ITSN2: variants seen among roughly 807,000 people sequenced by gnomAD.
ITSN2 encodes intersectin 2.
Under a neutral mutation model 243.7 loss-of-function variants are expected in ITSN2, and 156 were observed. The ratio of observed to expected loss-of-function variants is 0.64; its 90% CI spans 0.56 to 0.73. The LOEUF (loss-of-function observed/expected upper bound fraction) is 0.73, where lower values mean the gene tolerates loss of function less well. ITSN2 is among the 30% of genes least tolerant of loss of function. The pLI, the probability that ITSN2 is intolerant of heterozygous loss-of-function variation, is 0.00. For synonymous variants in ITSN2, 703 were observed against 699.9 expected (o/e 1.00, Z -0.07); for missense variants, 1,801 against 1,996.1 (o/e 0.90, Z 1.86).
At chr2:24,293,886 T>C (rs1680606238) in intron 14 of ITSN2, 111 bp from the exon 15 acceptor site, 1 of 433,224 alleles carries the variant, frequency 2.3e-6, no homozygotes, top group Admixed American at 4.4e-5. Context: ...ATTTTAGAAA[T>C]AATACATAGT....
At chr2:24,279,123 G>A (rs1249487547) in intron 17 of ITSN2, among the ~76,000 whole-genome samples, 1 of 152,074 alleles carries the variant, frequency 6.6e-6, no homozygotes, top group Non-Finnish European at 1.5e-5. Flanking sequence ...CCTTTAGTCT[G>A]TTTATATAGT....
At position 24,204,177 on chromosome 2, in the gene ITSN2, C is replaced by G. The variant is rs1668601151; in HGVS notation, c.4936+68G>C. The G allele has an allele frequency of 6.6e-7, 1 of 1,514,480 alleles. No homozygotes were observed. The highest frequency in any genetic ancestry group is 9.1e-7 in the Non-Finnish European group (1 of 1,094,350). The allele number at this position is 1,514,480 out of a possible 1,614,324, so 93.8% of individuals were successfully genotyped here. A position where few individuals can be genotyped will look rare whatever the true frequency, so the allele number is the denominator to read the frequency against. On this transcript the variant is annotated intron_variant, in intron 39 of 39. Transcript: ENST00000355123. The surrounding 1 kb of genome is among the most constrained non-coding windows in gnomAD (Gnocchi z 5.1). ...TGGGGTCTGCACACAGCTGAAGCCC[C>G]TAGATCTGGACTCCAGGATCTAGGA...
At chr2:24,306,809 CTTT>C (rs757854376) in intron 8 of ITSN2, among the ~76,000 whole-genome samples, 2 of 144,122 alleles carry the variant, frequency 1.4e-5, no homozygotes. Flanking sequence ...CAAAGATAAA[CTTT>C]TTTTTTTTTT....
intron 2 of ITSN2, among the ~76,000 whole-genome samples, chr2:24,326,839 A>G (rs1031322166): frequency 6.6e-6 from 1 of 152,186 alleles, no homozygotes; most frequent in African/African-American, 2.4e-5. Flanking sequence ...TTAGATATAC[A>G]ACATGTATTT....
intron 32 of ITSN2, among the ~76,000 whole-genome samples, chr2:24,215,776 T>C (rs556208075): frequency 6.6e-6 from 1 of 152,302 alleles, no homozygotes; most frequent in East Asian, 1.9e-4. Context: ...TGGTTGTTTC[T>C]TGGGAGTATA....
At chr2:24,305,403 A>T (rs576138169) in intron 8 of ITSN2, among the ~76,000 whole-genome samples, 1 of 152,144 alleles carries the variant, frequency 6.6e-6, no homozygotes, top group East Asian at 1.9e-4. Flanking sequence ...GGAGTTCGAG[A>T]CCAGCCTGGC....
chr2:24,303,739 A>T (rs558846865), intron 9 of ITSN2, 60 bp downstream of exon 9: 1 of 1,024,240 alleles, frequency 9.8e-7, no homozygotes, highest in South Asian at 1.3e-5. Context: ...TAGGGGAGAG[A>T]GAGTTTAATT....
At position 24,208,335 on chromosome 2, in the gene ITSN2, G is replaced by C; in HGVS notation, c.4596-16C>G. 1 of 1,608,436 alleles carries C rather than the reference G, an allele frequency of 6.2e-7. No individual in the cohort carries two copies. Among genetic ancestry groups the C allele is most frequent in the Non-Finnish European group, 8.5e-7 (1 of 1,177,294 alleles). On this transcript the variant is annotated splice_polypyrimidine_tract_variant and intron_variant, in intron 36 of 39. Transcript: ENST00000355123. ...CCAGGCGGTCCTACGGGAGAAGCAG[G>C]GGCAGCCGTTGGCCGCATCCCACCC...
At chr2:24,317,777 A>C (rs977020847) in intron 2 of ITSN2, among the ~76,000 whole-genome samples, 3 of 152,210 alleles carry the variant, frequency 2.0e-5, no homozygotes, top group Non-Finnish European at 4.4e-5. Context: ...AAGTATGACT[A>C]ATGTGCAGAG....
At chr2:24,291,460 G>A (rs1339964826) in intron 15 of ITSN2, among the ~76,000 whole-genome samples, 12 of 149,798 alleles carry the variant, frequency 8.0e-5, no homozygotes. Context: ...TATTAGCGAA[G>A]TGTTATAGCT....
At chr2:24,282,153 C>CA (rs1211172540) in intron 17 of ITSN2, among the ~76,000 whole-genome samples, 3 of 152,210 alleles carry the variant, frequency 2.0e-5, no homozygotes, top group Admixed American at 2.0e-4. Flanking sequence ...CCTGTGCCTA[C>CA]AAAAACCCGA....
At chr2:24,232,530 G>A (rs1007876639) in intron 29 of ITSN2, among the ~76,000 whole-genome samples, 1 of 152,172 alleles carries the variant, frequency 6.6e-6, no homozygotes. Context: ...GGGAGTTAAT[G>A]TGAGATGCAG....
intron 15 of ITSN2, among the ~76,000 whole-genome samples, chr2:24,289,319 T>TC (rs1343847137): frequency 6.6e-6 from 1 of 152,194 alleles, no homozygotes; most frequent in East Asian, 1.9e-4. Context: ...TACAGATCTT[T>TC]CCCCTCCTTG....
At chr2:24,329,782 A>C (rs979967905) in intron 1 of ITSN2, among the ~76,000 whole-genome samples, 7 of 152,226 alleles carry the variant, frequency 4.6e-5, no homozygotes, top group African/African-American at 1.7e-4. Flanking sequence ...TTTTAAACAA[A>C]GAAGGCATTA....
At chr2:24,259,714 T>C (rs1675558423) in intron 22 of ITSN2, among the ~76,000 whole-genome samples, 1 of 152,198 alleles carries the variant, frequency 6.6e-6, no homozygotes. Context: ...CTTTGTTGGG[T>C]GAAATCTTAT....
At chr2:24,253,084 C>T (rs372840359) in intron 24 of ITSN2, among the ~76,000 whole-genome samples, 2 of 152,106 alleles carry the variant, frequency 1.3e-5, no homozygotes, top group South Asian at 4.1e-4. Context: ...AACAAATGAC[C>T]TCAAGGGAAA....
chr2:24,318,941 T>A (rs559726681), intron 2 of ITSN2, among the ~76,000 whole-genome samples: 1 of 152,182 alleles, frequency 6.6e-6, no homozygotes, highest in Admixed American at 6.5e-5. Flanking sequence ...TAGATTCTCA[T>A]AGGAGCACAA....
intron 7 of ITSN2, among the ~76,000 whole-genome samples, chr2:24,310,001 A>C (rs1346185274): frequency 6.6e-6 from 1 of 152,238 alleles, no homozygotes; most frequent in Non-Finnish European, 1.5e-5. Flanking sequence ...CACATTTTTT[A>C]AAGGAAAAGT....
At chr2:24,252,151 T>C (rs1218677301) in intron 25 of ITSN2, among the ~76,000 whole-genome samples, 194 bp downstream of exon 25, 1 of 152,208 alleles carries the variant, frequency 6.6e-6, no homozygotes, top group African/African-American at 2.4e-5. Flanking sequence ...ACTGGAGCCA[T>C]ATAATAAACC....
Sources: gnomAD v4.1 joint callset for allele counts (sites outside exome capture counted in the v4.1 genomes callset) on GRCh38, gnomAD v4.1.1 for gene constraint, Gnocchi (gnomAD v3.1) non-coding constraint, MANE v1.5 for transcripts, NCBI Gene and HGNC (gene_info 2026-07-23, HGNC 2026-07-21) for gene names.